Variants in CSMD1 observed in about 807,000 individuals in gnomAD.
CSMD1 encodes the protein CUB and Sushi multiple domains 1.
A neutral mutation model predicts 417.5 loss-of-function variants in CSMD1; 213 were observed. The observed-to-expected ratio is 0.51, with a 90% CI of 0.46 to 0.57. CSMD1 has a LOEUF of 0.57. Ranked by LOEUF, CSMD1 falls within the 20% of genes least tolerant of loss-of-function variation. The pLI is 0.00. For missense variants in CSMD1, 6,923 were observed against 4,529.7 expected (o/e 1.53, Z -15.17); for synonymous variants, 2,862 against 1,736.8 (o/e 1.65, Z -16.11).
At position 3,409,581 on chromosome 8, in the gene CSMD1, T is replaced by C. The variant is rs1376224715; in HGVS notation, c.1586A>G (p.Asp529Gly). 6.2e-7 allele frequency: 1 copy of C among 1,603,562 alleles called. No homozygotes were observed. Among genetic ancestry groups the C allele is most frequent in the Non-Finnish European group, 8.5e-7 (1 of 1,174,088 alleles). ...YQEIEKGGCGDPGIPAYGKRT... is the reference protein window; with the variant it reads ...YQEIEKGGCGGPGIPAYGKRT... ...CTTCCCATAGGCGGGGATTCCAGGA[T>C]CCCCACACCCTCCCTTTTCAATTTC... Residue 529 changes from aspartate (D) to glycine (G), a missense_variant, in exon 13 of 70, where the codon GAT becomes GGT. Transcript: ENST00000635120.
rs778561536 is a variant in CSMD1, at chr8:3,219,335, T to C, written c.4592A>G (p.Glu1531Gly). 1.3e-6 allele frequency: 2 copies of C among 1,581,142 alleles called. No homozygotes were observed. The highest frequency in any genetic ancestry group is 1.7e-6 in the Non-Finnish European group (2 of 1,162,620). Residue 1531 changes from glutamate (E) to glycine (G), a missense_variant, in exon 29 of 70, where the codon GAG becomes GGG. Glu to Gly is a moderately conservative substitution (Grantham distance 98, BLOSUM62 -2). Transcript: ENST00000635120. ...YQGSQAPERI[E>G]SSGNSLFLAF... is the part of the protein sequence containing the mutation. Reference sequence around the variant, plus strand: ...CAGAAACAGGCTGTTTCCGCTACTCTCTATTCTTTCTGGGGCCTGAGAGCC... The same window carrying C: ...CAGAAACAGGCTGTTTCCGCTACTCCCTATTCTTTCTGGGGCCTGAGAGCC...
intron 1 of CSMD1, among the ~76,000 whole-genome samples, chr8:4,638,570 G>C (rs1031569622): frequency 1.4e-4 from 22 of 152,204 alleles, no homozygotes; most frequent in African/African-American, 5.1e-4. Context: ...AGGTGGAGCA[G>C]AAAGGAAGGT....
intron 4 of CSMD1, among the ~76,000 whole-genome samples, chr8:4,014,493 T>C (rs1796428551): frequency 6.6e-6 from 1 of 152,202 alleles, no homozygotes; most frequent in Admixed American, 6.5e-5. Flanking sequence ...TTGGCTTCTT[T>C]TGATGTCTGT....
At chr8:4,333,338 C>G (rs774963190) in intron 3 of CSMD1, among the ~76,000 whole-genome samples, 9 of 152,084 alleles carry the variant, frequency 5.9e-5, no homozygotes, top group Non-Finnish European at 1.2e-4. Flanking sequence ...AGAGATGATA[C>G]AGAAAGGGCG....
intron 12 of CSMD1, among the ~76,000 whole-genome samples, chr8:3,416,563 T>C (rs542929436): frequency 9.8e-5 from 15 of 152,324 alleles, no homozygotes; most frequent in African/African-American, 2.9e-4. Context: ...GTCAGAAGCA[T>C]AGTTAGCACG....
intron 5 of CSMD1, among the ~76,000 whole-genome samples, chr8:3,982,006 C>T (rs1175080151): frequency 6.6e-6 from 1 of 151,852 alleles, no homozygotes; most frequent in African/African-American, 2.4e-5. Context: ...CCCGTCTCTA[C>T]TAAAAATACA....
chr8:3,409,865 C>G (rs186620384), intron 12 of CSMD1, among the ~76,000 whole-genome samples: 3 of 152,332 alleles, frequency 2.0e-5, no homozygotes, highest in Non-Finnish European at 2.9e-5. Flanking sequence ...GCTGACAACA[C>G]AAATGCTGCA....
intron 3 of CSMD1, among the ~76,000 whole-genome samples, chr8:4,076,257 C>T (rs372809228): frequency 6.6e-6 from 1 of 152,156 alleles, no homozygotes; most frequent in African/African-American, 2.4e-5. Context: ...TCTCCTGCCA[C>T]TATGTGAAGA....
intron 26 of CSMD1, among the ~76,000 whole-genome samples, chr8:3,265,538 G>A (rs1051203836): frequency 1.3e-5 from 2 of 152,260 alleles, no homozygotes; most frequent in Non-Finnish European, 2.9e-5. Context: ...TAGAGAGAGG[G>A]AGTAGCACAC....
intron 1 of CSMD1, among the ~76,000 whole-genome samples, chr8:4,987,592 A>C (rs943665909): frequency 1.3e-5 from 2 of 152,214 alleles, no homozygotes; most frequent in Non-Finnish European, 2.9e-5. Context: ...AAAGCACTGG[A>C]ATCTGACTGA....
intron 2 of CSMD1, among the ~76,000 whole-genome samples, chr8:4,527,795 T>G (rs2130435940): frequency 6.6e-6 from 1 of 152,340 alleles, no homozygotes; most frequent in South Asian, 2.1e-4. Context: ...TGATGAATCC[T>G]GGAAAGTCTA....
In CSMD1 at chr8:3,179,018, G is replaced by C. The variant is rs1202573927; in HGVS notation, c.5725+2092C>G. 6.6e-5 allele frequency among the ~76,000 whole-genome samples: 10 copies of C among 150,874 alleles called. No homozygotes were observed. In the East Asian group the frequency reaches 1.6e-3, roughly 24 times the overall value. ...GCTGGAGTGCAGTGGCGCGATCTTGGCTCACTGCAAGCTCTGCCTCCCGGG... is the reference window on the plus strand; with the variant it reads ...GCTGGAGTGCAGTGGCGCGATCTTGCCTCACTGCAAGCTCTGCCTCCCGGG... On this transcript the variant is annotated intron_variant, in intron 37 of 69. Transcript: ENST00000635120.
intron 3 of CSMD1, among the ~76,000 whole-genome samples, chr8:4,251,808 G>C (rs1028780735): frequency 1.3e-5 from 2 of 149,428 alleles, no homozygotes; most frequent in African/African-American, 4.9e-5. Context: ...GATGGAGAAG[G>C]ACAGATGGAG....
At chr8:3,393,983 T>TATA (rs1206960597) in intron 17 of CSMD1, among the ~76,000 whole-genome samples, 2 of 11,964 alleles carry the variant, frequency 1.7e-4, no homozygotes, top group African/African-American at 2.3e-4. Flanking sequence ...GAACTTAACG[T>TATA]ATAATAATAA....
At chr8:3,298,080 A>G (rs1473270769) in intron 25 of CSMD1, among the ~76,000 whole-genome samples, 1 of 152,146 alleles carries the variant, frequency 6.6e-6, no homozygotes, top group East Asian at 1.9e-4. Context: ...AAAAACAATC[A>G]ATCCCATTGT....
chr8:3,954,361 A>G (rs146084739), intron 5 of CSMD1, among the ~76,000 whole-genome samples: 5 of 150,980 alleles, frequency 3.3e-5, no homozygotes, highest in African/African-American at 1.2e-4. Flanking sequence ...CTGGGATCCT[A>G]GGACTTTTTT....
chr8:3,664,329 C>T (rs1463657116), intron 7 of CSMD1, among the ~76,000 whole-genome samples: 3 of 152,126 alleles, frequency 2.0e-5, no homozygotes, highest in African/African-American at 7.2e-5. Context: ...TGATGTTTTC[C>T]AGCTTCATCT....
chr8:4,057,843 T>G (rs1033379964), intron 3 of CSMD1, among the ~76,000 whole-genome samples: 2 of 152,210 alleles, frequency 1.3e-5, no homozygotes, highest in Non-Finnish European at 2.9e-5. Context: ...CAGATAGTTG[T>G]AGATATGCAG....
At chr8:4,628,409 C>T (rs375457965) in intron 2 of CSMD1, among the ~76,000 whole-genome samples, 2 of 140,630 alleles carry the variant, frequency 1.4e-5, no homozygotes, top group African/African-American at 5.2e-5. Flanking sequence ...TATATATACA[C>T]ATATATATAC....
Sources: gnomAD v4.1 joint callset for allele counts (sites outside exome capture counted in the v4.1 genomes callset) on GRCh38, gnomAD v4.1.1 for gene constraint, MANE v1.5 for transcripts, NCBI Gene and HGNC (gene_info 2026-07-23, HGNC 2026-07-21) for gene names.